Variants in MLLT3 observed in about 807,000 individuals in gnomAD.
MLLT3 encodes protein AF-9.
MLLT3 carries 4 observed loss-of-function variants against 53.2 expected under a neutral mutation model. That is an observed-to-expected ratio of 0.08 (90% CI 0.04 to 0.17). The LOEUF is 0.17. Among genes scored for constraint, MLLT3 ranks in the 10% least tolerant of loss-of-function variants. The pLI is 1.00. For missense variants in MLLT3, 569 were observed against 684.0 expected (o/e 0.83, Z 1.87); for synonymous variants, 283 against 230.6 (o/e 1.23, Z -2.06).
At chr9:20,459,440 C>G (rs1563973997) in intron 2 of MLLT3, among the ~76,000 whole-genome samples, 1 of 152,214 alleles carries the variant, frequency 6.6e-6, no homozygotes, top group Admixed American at 6.5e-5. Flanking sequence ...GCAGCCCCCA[C>G]CCCACCTTAG....
chr9:20,449,002 C>T (rs1823775778), intron 3 of MLLT3, among the ~76,000 whole-genome samples: 1 of 152,150 alleles, frequency 6.6e-6, no homozygotes, highest in South Asian at 2.1e-4. Context: ...TGCATTACTA[C>T]CTTCACTGCC....
At chr9:20,367,565 G>A (rs1821489944) in intron 5 of MLLT3, among the ~76,000 whole-genome samples, 1 of 152,276 alleles carries the variant, frequency 6.6e-6, no homozygotes, top group Admixed American at 6.5e-5. Flanking sequence ...ATGGACCTAA[G>A]TGTGCAAATA....
At position 20,353,561 on chromosome 9, in the gene MLLT3, C is replaced by T; in HGVS notation, c.1539G>A (p.Arg513=). 1 of 1,614,146 alleles carries T rather than the reference C, an allele frequency of 6.2e-7. No individual in the cohort carries two copies. Among genetic ancestry groups the T allele is most frequent in the Non-Finnish European group, 8.5e-7 (1 of 1,179,976 alleles). ...TGTGTCTTTCTCTCAATGTCATTAA[C>T]CTTCTGTGAAGCTCTACCAGTTCAT... ...YLDELVELHR[R]LMTLRERHIL... Residue 513 remains arginine (R), a synonymous_variant, in exon 10 of 11, where the codon AGG becomes AGA. Coordinates refer to ENST00000380338, the MANE Select transcript of MLLT3 (RefSeq NM_004529.4).
chr9:20,360,257 T>C (rs1386309671), intron 8 of MLLT3, among the ~76,000 whole-genome samples: 1 of 152,220 alleles, frequency 6.6e-6, no homozygotes, highest in African/African-American at 2.4e-5. Context: ...TTTTGCTCTT[T>C]ACATATATTA....
intron 2 of MLLT3, among the ~76,000 whole-genome samples, chr9:20,525,125 CT>C (rs1160812372): frequency 4.8e-5 from 5 of 104,340 alleles, no homozygotes; most frequent in South Asian, 2.9e-4. Flanking sequence ...AGAAGAAAGA[CT>C]AAAAAAAAAA....
intron 8 of MLLT3, among the ~76,000 whole-genome samples, chr9:20,356,607 G>A (rs769478784): frequency 3.3e-5 from 5 of 152,070 alleles, no homozygotes; most frequent in African/African-American, 4.8e-5. Context: ...GTGCATTACA[G>A]AACTGAATTT....
At chr9:20,463,720 G>C (rs1824168368) in intron 2 of MLLT3, among the ~76,000 whole-genome samples, 1 of 152,078 alleles carries the variant, frequency 6.6e-6, no homozygotes, top group Non-Finnish European at 1.5e-5. Context: ...GTTCAACCTA[G>C]AAACAGACCT....
intron 5 of MLLT3, among the ~76,000 whole-genome samples, chr9:20,372,220 C>T (rs545109833): frequency 6.6e-6 from 1 of 152,180 alleles, no homozygotes; most frequent in East Asian, 1.9e-4. Context: ...ATTGTTGAAA[C>T]GACAATAAAG....
chr9:20,364,178 AT>A (rs1218511301), intron 6 of MLLT3, among the ~76,000 whole-genome samples: 1 of 152,220 alleles, frequency 6.6e-6, no homozygotes, highest in Non-Finnish European at 1.5e-5. Context: ...TGTTGCAGCA[AT>A]TTTAAGCAGC....
intron 4 of MLLT3, among the ~76,000 whole-genome samples, chr9:20,421,124 C>A (rs186173954): frequency 6.6e-6 from 1 of 152,032 alleles, no homozygotes; most frequent in East Asian, 1.9e-4. Context: ...ATTAGCCGGG[C>A]CAGGTGGCGA....
chr9:20,467,138 T>C (rs144245897), intron 2 of MLLT3, among the ~76,000 whole-genome samples: 3 of 152,212 alleles, frequency 2.0e-5, no homozygotes, highest in African/African-American at 7.2e-5. Flanking sequence ...GAACCGGATA[T>C]TGGCAAAGAG....
intron 2 of MLLT3, among the ~76,000 whole-genome samples, chr9:20,590,607 G>A (rs1820104000): frequency 6.6e-6 from 1 of 152,176 alleles, no homozygotes; most frequent in Non-Finnish European, 1.5e-5. Context: ...CTTCTGCCAT[G>A]ATTGTAAGTT....
intron 2 of MLLT3, among the ~76,000 whole-genome samples, chr9:20,472,865 T>C (rs562573070): frequency 1.3e-5 from 2 of 151,784 alleles, no homozygotes; most frequent in African/African-American, 2.4e-5. Flanking sequence ...AAACTTCAAC[T>C]GCTATTCTTT....
At chr9:20,395,227 T>C (rs938297246) in intron 5 of MLLT3, among the ~76,000 whole-genome samples, 7 of 152,162 alleles carry the variant, frequency 4.6e-5, no homozygotes, top group South Asian at 4.1e-4. Flanking sequence ...GGCCTCCAAC[T>C]CCATACTGGG....
chr9:20,342,373 C>T lies in MLLT3; in HGVS notation c.*4070G>A, dbSNP rs749904467. 8.9e-6 allele frequency: 2 copies of T among 224,146 alleles called. No individual in the cohort carries two copies. The highest frequency in any genetic ancestry group is 5.7e-5 in the Admixed American group (1 of 17,470). The allele number at this position is 224,146 out of a possible 1,614,324, so 13.9% of individuals were successfully genotyped here. A position where few individuals can be genotyped will look rare whatever the true frequency, so the allele number is the denominator to read the frequency against. On this transcript the variant is annotated 3_prime_UTR_variant, in exon 11 of 11. Coordinates refer to ENST00000380338, the MANE Select transcript of MLLT3 (RefSeq NM_004529.4). ...ATCTTTCAACATAACTACACATACA[C>T]AGTCCATTAAAAAGATACTGACAGA...
intron 2 of MLLT3, among the ~76,000 whole-genome samples, chr9:20,476,107 G>T (rs1824515243): frequency 6.6e-6 from 1 of 151,882 alleles, no homozygotes; most frequent in African/African-American, 2.4e-5. Flanking sequence ...CTGTCACCCA[G>T]GCTGGAGTGC....
intron 2 of MLLT3, among the ~76,000 whole-genome samples, chr9:20,617,813 CAG>C (rs1820874296): frequency 6.6e-6 from 1 of 152,156 alleles, no homozygotes; most frequent in African/African-American, 2.4e-5. Context: ...ATCTTTGTGA[CAG>C]AGTAAAACCT....
intron 2 of MLLT3, among the ~76,000 whole-genome samples, chr9:20,576,864 G>C (rs942431177): frequency 6.6e-6 from 1 of 152,128 alleles, no homozygotes; most frequent in Non-Finnish European, 1.5e-5. Flanking sequence ...TATCCAGCCA[G>C]ATGTGGTGGC....
At chr9:20,432,502 C>T (rs911114873) in intron 4 of MLLT3, among the ~76,000 whole-genome samples, 7 of 151,956 alleles carry the variant, frequency 4.6e-5, no homozygotes, top group African/African-American at 7.3e-5. Flanking sequence ...ACTAACAAAC[C>T]GTAGGGCAGA....
Sources: allele counts gnomAD v4.1 joint callset (sites outside exome capture counted in the v4.1 genomes callset), GRCh38; gene constraint gnomAD v4.1.1; transcripts MANE v1.5; gene names NCBI Gene and HGNC (gene_info 2026-07-23, HGNC 2026-07-21).